The following ACYP1 variants were observed in gnomAD, a reference collection of about 807,000 sequenced individuals.
ACYP1 encodes the protein acylphosphatase 1.
In ACYP1, 8 loss-of-function variants were observed where a neutral mutation model predicts 10.4. The ratio of observed to expected loss-of-function variants is 0.77; its 90% confidence interval spans 0.45 to 1.38. The LOEUF is 1.38. Ranked by LOEUF, ACYP1 falls within the 40% of genes most tolerant of loss-of-function variation. The pLI is 0.00. For synonymous variants in ACYP1, 38 were observed against 40.8 expected (o/e 0.93, Z 0.26); for missense variants, 93 against 117.3 (o/e 0.79, Z 0.96).
chr14:75,069,021 T>A (rs77651283), upstream of ACYP1, among the ~76,000 whole-genome samples: 606 of 152,348 alleles, frequency 4.0e-3, 4 homozygotes, highest in African/African-American at 0.014. Flanking sequence ...ATCATTACAT[T>A]TGGCTGAGTC....
intron 2 of ACYP1, chr14:75,061,596 G>A: frequency 1.2e-6 from 1 of 815,746 alleles, no homozygotes; most frequent in Non-Finnish European, 1.9e-6. Flanking sequence ...GATGGGCTAT[G>A]CATACCACTA....
Position 75,053,459 on chromosome 14 carries a change from G to T in ACYP1, c.285C>A (p.Phe95Leu). 1.2e-6 allele frequency: 2 copies of T among 1,614,074 alleles called. 1 individual carries two copies. The highest frequency in any genetic ancestry group is 2.2e-5 in the South Asian group (2 of 91,074). ...KVILKLDYSD[F>L]QIVK ...ATTCAGGCCATTATTTTACAATTTG[G>T]AAGTCTGAGTAATCCAACTTCAAGA... The change falls in exon 3 of 3, where the codon TTC becomes TTA. Residue 95 changes from phenylalanine (F) to leucine (L), a missense_variant. Phe to Leu is a conservative substitution (Grantham distance 22). Transcript: ENST00000238618.
At chr14:75,063,826 A>T in intron 1 of ACYP1, 128 bp downstream of exon 1, 1 of 759,348 alleles carries the variant, frequency 1.3e-6, no homozygotes, top group Non-Finnish European at 1.8e-6. Context: ...TGACCTCCTT[A>T]CATCCATGCC....
chr14:75,060,102 T>C (rs748174683), intron 2 of ACYP1: 10 of 504,656 alleles, frequency 2.0e-5, no homozygotes, highest in South Asian at 3.3e-5. Flanking sequence ...ATAATTTCTA[T>C]GTTATATGTA....
Position 75,053,622 on chromosome 14 carries a change from T to A in ACYP1, c.122A>T (p.Gln41Leu). The A allele has an allele frequency of 6.2e-7, 1 of 1,614,218 alleles. No homozygotes were observed. Among genetic ancestry groups the A allele is most frequent in the Non-Finnish European group, 8.5e-7 (1 of 1,180,052 alleles). Residue 41 changes from glutamine to leucine, a missense_variant, in exon 3 of 3, where the codon CAG becomes CTG. Coordinates refer to ENST00000238618, the MANE Select transcript of ACYP1 (RefSeq NM_001107.5). ...GKKLGLVGWV[Q>L]NTDRGTVQGQ... ...TTGCACTGTGCCCCGGTCAGTGTTC[T>A]GGACCCAGCCTACCAATCCCAGCTT...
rs1284949057 is a variant in ACYP1, at chr14:75,053,269, G to A, written c.*175C>T. 1.6e-6 allele frequency: 1 copy of A among 631,346 alleles called. No homozygotes were observed. Among genetic ancestry groups the A allele is most frequent in the African/African-American group, 1.8e-5 (1 of 54,336 alleles). The allele number at this position is 631,346 out of a possible 1,614,324, so 39.1% of individuals were successfully genotyped here. On this transcript the variant is annotated 3_prime_UTR_variant, in exon 3 of 3. Coordinates refer to ENST00000238618, the MANE Select transcript of ACYP1 (RefSeq NM_001107.5). Reference sequence around the variant, plus strand: ...AAGGTTCTAACGTTTTTATTGATTAGATTTGTGTACAGTGGTAATCCTTCC... The same window carrying A: ...AAGGTTCTAACGTTTTTATTGATTAAATTTGTGTACAGTGGTAATCCTTCC...
At chr14:75,068,936 T>A (rs1021409116), upstream of ACYP1, among the ~76,000 whole-genome samples, 4 of 152,206 alleles carry the variant, frequency 2.6e-5, no homozygotes, top group Non-Finnish European at 4.4e-5. Context: ...TCTTTTGATG[T>A]CAACAAGATA....
At chr14:75,069,323 G>A in exon 1 of ACYP1, 3 of 1,412,532 alleles carry the variant, frequency 2.1e-6, no homozygotes, top group Non-Finnish European at 2.7e-6. Flanking sequence ...GGCACAGCCA[G>A]GGCCTCCGCC....
At chr14:75,068,237 G>C (rs1287403788), upstream of ACYP1, among the ~76,000 whole-genome samples, 2 of 152,102 alleles carry the variant, frequency 1.3e-5, no homozygotes, top group African/African-American at 4.8e-5. Context: ...GTGGCAGTGA[G>C]CTAAGAGTGC....
At chr14:75,069,040 G>A (rs1893224289) in intron 1 of ACYP1, among the ~76,000 whole-genome samples, 1 of 152,214 alleles carries the variant, frequency 6.6e-6, no homozygotes, top group African/African-American at 2.4e-5. Context: ...TCATTCCTGG[G>A]CCCTAAGTAG....
rs1311648561 is a variant in ACYP1 at position 75,054,744 on chromosome 14, A to T, written c.85-1085T>A. 2.6e-5 allele frequency among the ~76,000 whole-genome samples: 4 copies of T among 151,676 alleles called. No individual in the cohort carries two copies. The East Asian group carries it at 7.7e-4, about 29-fold the overall frequency. On this transcript the variant is annotated intron_variant, in intron 2 of 2. Coordinates refer to ENST00000238618, the MANE Select transcript of ACYP1 (RefSeq NM_001107.5). ...CATGTTTGCTTAATGAACAAAACAG[A>T]CTCCAGCCAAATAAATAACCATTTG...
chr14:75,067,668 CAG>C (rs374125318), upstream of ACYP1, among the ~76,000 whole-genome samples: 73 of 152,172 alleles, frequency 4.8e-4, 1 homozygote, highest in South Asian at 4.6e-3. Flanking sequence ...ACCAAAGAGA[CAG>C]AGTTTATGGA....
At chr14:75,058,202 A>C (rs924829080) in intron 2 of ACYP1, among the ~76,000 whole-genome samples, 11 of 150,568 alleles carry the variant, frequency 7.3e-5, no homozygotes, top group African/African-American at 2.5e-4. Context: ...TAATCCCAGC[A>C]CTTTGGGAGG....
upstream of ACYP1, among the ~76,000 whole-genome samples, chr14:75,066,945 G>C (rs1390737586): frequency 6.6e-6 from 1 of 152,208 alleles, no homozygotes; most frequent in African/African-American, 2.4e-5. Context: ...CTGTGAGCAT[G>C]CAAGGGCACA....
At chr14:75,063,607 G>A in intron 1 of ACYP1, 46 bp from the exon 2 acceptor site, 1 of 1,527,670 alleles carries the variant, frequency 6.5e-7, no homozygotes, top group South Asian at 1.1e-5. Context: ...TATTATTCCA[G>A]GACCCGCAAG....
intron 2 of ACYP1, 65 bp downstream of exon 2, chr14:75,063,405 G>T: frequency 7.2e-7 from 1 of 1,382,126 alleles, no homozygotes; most frequent in South Asian, 1.2e-5. Flanking sequence ...CATTTGTCAA[G>T]AACACGTCCC....
intron 2 of ACYP1, among the ~76,000 whole-genome samples, chr14:75,059,176 TAAAAAA>T (rs71119344): frequency 2.0e-3 from 195 of 97,344 alleles, no homozygotes; most frequent in Middle Eastern, 7.4e-3. Context: ...GACTCTGTCT[TAAAAAA>T]AAAAAAAAAA....
chr14:75,057,442 C>G (rs766746867), intron 2 of ACYP1, among the ~76,000 whole-genome samples: 1 of 151,532 alleles, frequency 6.6e-6, no homozygotes, highest in Non-Finnish European at 1.5e-5. Flanking sequence ...TCTACAGATT[C>G]AACTCAATCT....
intron 2 of ACYP1, among the ~76,000 whole-genome samples, chr14:75,059,256 C>A (rs1050087218): frequency 6.6e-6 from 1 of 150,858 alleles, no homozygotes; most frequent in Non-Finnish European, 1.5e-5. Flanking sequence ...CCTGTAATCC[C>A]AGCACTTTGG....
Sources: allele counts gnomAD v4.1 joint callset (sites outside exome capture counted in the v4.1 genomes callset), GRCh38; gene constraint gnomAD v4.1.1; transcripts MANE v1.5; gene names NCBI Gene and HGNC (gene_info 2026-07-23, HGNC 2026-07-21).